Variants in DLG2 observed in about 807,000 individuals in gnomAD.
The protein encoded by DLG2 is disks large homolog 2.
In DLG2, 45 loss-of-function variants were observed where a neutral mutation model predicts 132.5. The observed-to-expected ratio is 0.34, with a 90% confidence interval of 0.27 to 0.44. The LOEUF (loss-of-function observed/expected upper bound fraction) is 0.44. DLG2 is among the 20% of genes least tolerant of loss of function. DLG2 has a pLI of 1.00. For synonymous variants in DLG2, 424 were observed against 419.6 expected (o/e 1.01, Z -0.13); for missense variants, 1,045 against 1,196.9 (o/e 0.87, Z 1.87).
rs563362679 is a variant in DLG2, at chr11:83,793,935, G to C, written c.1723-7143C>G. Among the ~76,000 whole-genome samples, 10 of 152,220 alleles carry C rather than the reference G, an allele frequency of 6.6e-5. No homozygotes were observed. In the South Asian group the frequency reaches 2.1e-3, roughly 32 times the overall value. On this transcript the variant is annotated intron_variant, in intron 17 of 27. Transcript: ENST00000376104. ...ACATTTTAGGAGTAGAAGAGCCTTA[G>C]AAACTTGTTTGTCTAGCACTTATAC...
chr11:85,384,173 C>T (rs1019863347), intron 3 of DLG2, among the ~76,000 whole-genome samples: 2 of 152,084 alleles, frequency 1.3e-5, no homozygotes, highest in Non-Finnish European at 2.9e-5. Flanking sequence ...CAGTTCTAAT[C>T]CTCACAACAG....
intron 11 of DLG2, among the ~76,000 whole-genome samples, chr11:84,031,497 G>C (rs985823143): frequency 3.3e-5 from 5 of 152,134 alleles, no homozygotes; most frequent in African/African-American, 7.2e-5. Flanking sequence ...AATTCCTAGA[G>C]GGGTTTGTGA....
intron 7 of DLG2, among the ~76,000 whole-genome samples, chr11:84,489,640 G>A (rs1385681361): frequency 1.3e-5 from 2 of 151,990 alleles, no homozygotes; most frequent in Non-Finnish European, 2.9e-5. Flanking sequence ...GCTGGCTCCA[G>A]GATCTCACAT....
At chr11:84,543,719 C>G (rs1298050247) in intron 6 of DLG2, among the ~76,000 whole-genome samples, 1 of 152,098 alleles carries the variant, frequency 6.6e-6, no homozygotes, top group African/African-American at 2.4e-5. Context: ...GCCCAAAGAA[C>G]CCTTGAAAGA....
At chr11:84,324,584 G>A (rs1468831664) in intron 7 of DLG2, among the ~76,000 whole-genome samples, 1 of 151,696 alleles carries the variant, frequency 6.6e-6, no homozygotes, top group East Asian at 1.9e-4. Context: ...AAATACCATC[G>A]AGATTTTGAT....
At chr11:85,213,625 A>C (rs1489048224) in intron 4 of DLG2, among the ~76,000 whole-genome samples, 1 of 152,136 alleles carries the variant, frequency 6.6e-6, no homozygotes, top group Non-Finnish European at 1.5e-5. Context: ...GACTTAGTCT[A>C]TTTTATCAGC....
intron 3 of DLG2, among the ~76,000 whole-genome samples, chr11:85,366,049 A>T (rs944143398): frequency 1.1e-4 from 16 of 152,200 alleles, no homozygotes; most frequent in African/African-American, 3.4e-4. Flanking sequence ...CATGTTCTGC[A>T]CATGTATCCC....
chr11:83,615,728 A>G (rs1441832349), intron 19 of DLG2, among the ~76,000 whole-genome samples: 1 of 152,216 alleles, frequency 6.6e-6, no homozygotes, highest in Non-Finnish European at 1.5e-5. Context: ...GCCACGAGCC[A>G]TGGAATGCAG....
intron 18 of DLG2, among the ~76,000 whole-genome samples, chr11:83,638,623 C>T (rs183032283): frequency 1.6e-4 from 24 of 152,206 alleles, no homozygotes; most frequent in African/African-American, 4.6e-4. Flanking sequence ...CCCCCTGTTA[C>T]GGCCTCCCTC....
intron 10 of DLG2, among the ~76,000 whole-genome samples, chr11:84,066,847 T>C (rs896229832): frequency 1.1e-4 from 16 of 152,286 alleles, no homozygotes; most frequent in African/African-American, 3.8e-4. Flanking sequence ...TTGAAGAATG[T>C]CCCCTAATTA....
At chr11:84,350,175 C>G (rs1310273687) in intron 7 of DLG2, among the ~76,000 whole-genome samples, 1 of 121,776 alleles carries the variant, frequency 8.2e-6, no homozygotes, top group Admixed American at 8.1e-5. Flanking sequence ...GAGACTTCGT[C>G]CCCCCCCCCA....
intron 19 of DLG2, among the ~76,000 whole-genome samples, chr11:83,547,846 G>T (rs1281985998): frequency 1.3e-5 from 2 of 152,150 alleles, no homozygotes; most frequent in South Asian, 4.1e-4. Context: ...GAGGTGCTAT[G>T]TAACAAATAC....
intron 8 of DLG2, among the ~76,000 whole-genome samples, chr11:84,213,811 T>A (rs1262602628): frequency 8.9e-6 from 1 of 112,044 alleles, no homozygotes; most frequent in African/African-American, 3.7e-5. Context: ...AGAGCGAGAC[T>A]CCGTCTCAAA....
At chr11:85,205,641 C>T (rs148649264) in intron 4 of DLG2, among the ~76,000 whole-genome samples, 119 of 152,146 alleles carry the variant, frequency 7.8e-4, no homozygotes, top group African/African-American at 2.6e-3. Flanking sequence ...ATCAAAATAG[C>T]GCATGTATCC....
chr11:85,578,674 C>T (rs1292031192), intron 3 of DLG2, among the ~76,000 whole-genome samples: 1 of 152,148 alleles, frequency 6.6e-6, no homozygotes, highest in African/African-American at 2.4e-5. Context: ...ATCAAAACTA[C>T]AATGAGATAC....
At chr11:84,889,971 T>C (rs1600936039) in intron 6 of DLG2, among the ~76,000 whole-genome samples, 1 of 152,204 alleles carries the variant, frequency 6.6e-6, no homozygotes, top group Non-Finnish European at 1.5e-5. Flanking sequence ...AGATGCCTCA[T>C]AGTCAAATAA....
intron 21 of DLG2, among the ~76,000 whole-genome samples, chr11:83,503,004 G>T (rs1364324425): frequency 1.3e-5 from 2 of 151,922 alleles, no homozygotes; most frequent in African/African-American, 4.8e-5. Context: ...TTGAGCACAT[G>T]AATAATCCAG....
At chr11:84,114,978 C>T (rs1312866209) in intron 9 of DLG2, among the ~76,000 whole-genome samples, 1 of 152,110 alleles carries the variant, frequency 6.6e-6, no homozygotes, top group East Asian at 1.9e-4. Context: ...GCTGACTTCA[C>T]ATTCTTGTAC....
intron 15 of DLG2, among the ~76,000 whole-genome samples, chr11:83,888,757 G>C (rs546062620): frequency 1.3e-5 from 2 of 152,178 alleles, no homozygotes; most frequent in South Asian, 2.1e-4. Flanking sequence ...CCAAAACAGA[G>C]ATATAGATCA....
Sources: allele counts gnomAD v4.1 joint callset (sites outside exome capture counted in the v4.1 genomes callset), GRCh38; gene constraint gnomAD v4.1.1; transcripts MANE v1.5; gene names NCBI Gene and HGNC (gene_info 2026-07-23, HGNC 2026-07-21).